Variants in AEBP2 observed in about 807,000 individuals in gnomAD.
AEBP2 encodes the protein AE binding protein 2, also known as zinc finger protein AEBP2.
AEBP2 carries 10 observed loss-of-function variants against 50.8 expected under a neutral mutation model. The ratio of observed to expected loss-of-function variants is 0.20; its 90% CI spans 0.12 to 0.33. The LOEUF is 0.33. AEBP2 is among the 10% of genes least tolerant of loss of function. The pLI is 1.00. For synonymous variants in AEBP2, 296 were observed against 261.3 expected, an observed-to-expected ratio of 1.13 and a Z score of -1.28; for missense variants, 570 against 688.0, an observed-to-expected ratio of 0.83 and a Z score of 1.92.
At chr12:19,451,984 G>A (rs1948172948) in intron 1 of AEBP2, among the ~76,000 whole-genome samples, 1 of 152,074 alleles carries the variant, frequency 6.6e-6, no homozygotes, top group African/African-American at 2.4e-5. Flanking sequence ...TCTGCCTCTC[G>A]GGTTTAAGCG....
At position 19,439,888 on chromosome 12, in the gene AEBP2, C is replaced by A. The variant is rs1229807001; in HGVS notation, c.189C>A (p.Ser63Arg). The A allele has an allele frequency of 6.8e-7, 1 of 1,478,166 alleles. No homozygotes were observed. The highest frequency in any genetic ancestry group is 1.3e-5 in the South Asian group (1 of 77,242). 91.6% of individuals were successfully genotyped at this position (1,478,166 alleles called of 1,614,324 possible). Residue 63 changes from serine (S) to arginine (R), a missense_variant, in exon 1 of 8, where the codon AGC (serine) becomes AGA (arginine). Ser to Arg is a moderately radical substitution (Grantham distance 110). Around this residue, in one of 2 missense-constraint regions of AEBP2, gnomAD observed 386 missense variants for 336.8 expected, o/e 1.15. Transcript: ENST00000266508. The stretch of plus-strand genomic sequence containing the variant: ...CGGCGCTGCTGCTGAACGGCGGCAG[C>A]GGTGGGGGCGGCGGAGGCGGCGGCG... Reference protein sequence around the residue: ...AVAALLLNGGSGGGGGGGGGG... With the variant: ...AVAALLLNGGRGGGGGGGGGG...
intron 1 of AEBP2, chr12:19,413,417 A>G (rs2095740508): frequency 8.1e-6 from 9 of 1,116,988 alleles, no homozygotes; most frequent in Non-Finnish European, 1.2e-5. Context: ...GTGAAATTCA[A>G]CAGAAGAAAA....
intron 3 of AEBP2, among the ~76,000 whole-genome samples, chr12:19,474,210 T>C (rs1948615266): frequency 6.6e-6 from 1 of 152,206 alleles, no homozygotes; most frequent in Non-Finnish European, 1.5e-5. Flanking sequence ...TTTCCATTTA[T>C]CTTTATGAAA....
intron 3 of AEBP2, among the ~76,000 whole-genome samples, chr12:19,477,753 A>T (rs571052109): frequency 5.9e-5 from 9 of 151,984 alleles, no homozygotes; most frequent in Non-Finnish European, 8.8e-5. Context: ...TTTTTTTGTT[A>T]TGTCCTTTCC....
Position 19,515,645 on chromosome 12 carries a change from A to T in AEBP2, c.1481+861A>T, listed in dbSNP as rs575087777. 5.9e-5 allele frequency among the ~76,000 whole-genome samples: 9 copies of T among 152,316 alleles called. No individual in the cohort carries two copies. In the South Asian group the frequency reaches 1.9e-3, roughly 32 times the overall value. On this transcript the variant is annotated intron_variant, in intron 7 of 7. Transcript: ENST00000266508. ...AGCTATCATAAAGATAGCAAATTTT[A>T]TATTAATTAAGTGCTTTGAAGGGTA...
intron 1 of AEBP2, chr12:19,457,129 T>A: frequency 6.3e-7 from 1 of 1,598,980 alleles, no homozygotes; most frequent in Non-Finnish European, 8.5e-7. Context: ...CTTAACAATT[T>A]CCTCATATCT....
chr12:19,499,937 CAT>C (rs1487763264), intron 4 of AEBP2, among the ~76,000 whole-genome samples, 158 bp from the exon 5 acceptor site: 10 of 152,216 alleles, frequency 6.6e-5, no homozygotes, highest in African/African-American at 2.4e-4. Flanking sequence ...AATGCTTTTG[CAT>C]ATTAGTCTTC....
At chr12:19,442,787 ATCT>A (rs371226748) in intron 1 of AEBP2, among the ~76,000 whole-genome samples, 54 of 152,288 alleles carry the variant, frequency 3.5e-4, no homozygotes, top group East Asian at 2.3e-3. Context: ...ATTCTGAAAC[ATCT>A]TCTTGTTGCC....
intron 1 of AEBP2, chr12:19,440,831 C>G: frequency 1.4e-6 from 2 of 1,399,302 alleles, no homozygotes; most frequent in Non-Finnish European, 1.9e-6. Context: ...CTTCCTTGTC[C>G]ATGGGAGAGA....
chr12:19,512,841 G>A (rs571769894), intron 6 of AEBP2, among the ~76,000 whole-genome samples: 22 of 152,064 alleles, frequency 1.4e-4, no homozygotes, highest in African/African-American at 5.1e-4. Context: ...CCAGCTGCTC[G>A]GGAGGCTGAG....
At chr12:19,501,852 C>G (rs77055760) in intron 5 of AEBP2, among the ~76,000 whole-genome samples, 5 of 125,852 alleles carry the variant, frequency 4.0e-5, no homozygotes, top group Admixed American at 2.0e-4. Flanking sequence ...GCAGTCATCC[C>G]TCTGTATTCA....
chr12:19,406,607 G>T (rs1367829992), intron 1 of AEBP2, among the ~76,000 whole-genome samples: 1 of 151,242 alleles, frequency 6.6e-6, no homozygotes, highest in Non-Finnish European at 1.5e-5. Flanking sequence ...CTTGAACCCA[G>T]GAGGCGGAGG....
intron 1 of AEBP2, chr12:19,413,366 TC>T: frequency 9.5e-7 from 1 of 1,057,852 alleles, no homozygotes; most frequent in Non-Finnish European, 1.5e-6. Context: ...TTAATAGAAA[TC>T]CTTTAAAAAG....
At chr12:19,465,430 T>C (rs1396636877) in intron 2 of AEBP2, among the ~76,000 whole-genome samples, 1 of 151,966 alleles carries the variant, frequency 6.6e-6, no homozygotes, top group African/African-American at 2.4e-5. Flanking sequence ...AGTAATGTTA[T>C]TTTGATCAAA....
At chr12:19,467,246 C>T (rs1948493106) in intron 2 of AEBP2, among the ~76,000 whole-genome samples, 1 of 151,296 alleles carries the variant, frequency 6.6e-6, no homozygotes, top group South Asian at 2.1e-4. Context: ...AGAGTGCTTT[C>T]TGCAATTTCA....
chr12:19,513,885 C>T (rs982784659), intron 6 of AEBP2, among the ~76,000 whole-genome samples: 12 of 139,138 alleles, frequency 8.6e-5, no homozygotes, highest in African/African-American at 1.4e-4. Context: ...GTGTTATGGC[C>T]GCATGCATTT....
At chr12:19,468,195 A>C (rs1592743246) in intron 2 of AEBP2, among the ~76,000 whole-genome samples, 1 of 147,332 alleles carries the variant, frequency 6.8e-6, no homozygotes, top group Non-Finnish European at 1.5e-5. Flanking sequence ...ATGTTGTCCA[A>C]GCTAGTCTTA....
At chr12:19,472,113 G>C (rs1249584266) in intron 2 of AEBP2, among the ~76,000 whole-genome samples, 2 of 152,072 alleles carry the variant, frequency 1.3e-5, no homozygotes, top group East Asian at 3.9e-4. Context: ...TATTGTTTTT[G>C]AGTAAAAATT....
In AEBP2 at chr12:19,521,254, G is replaced by A. The variant is rs965953678; in HGVS notation, c.*3137G>A. On this transcript the variant is annotated 3_prime_UTR_variant, in exon 8 of 8. Coordinates refer to ENST00000266508, the MANE Select transcript of AEBP2 (RefSeq NM_153207.5). ...ATGACAATGTTGATCTTGGTAATAA[G>A]CCAGTACATTAAATTTTAGTGAAAG... The A allele has an allele frequency of 1.3e-5, 2 of 152,120 alleles. No individual in the cohort carries two copies. The highest frequency in any genetic ancestry group is 4.8e-5 in the African/African-American group (2 of 41,414). The allele number at this position is 152,120 out of a possible 1,614,324, so 9.4% of individuals were successfully genotyped here.
Sources: gnomAD v4.1 joint callset for allele counts (sites outside exome capture counted in the v4.1 genomes callset) on GRCh38, gnomAD v4.1.1 for gene constraint, gnomAD v4.1.1 regional missense constraint, MANE v1.5 for transcripts, NCBI Gene and HGNC (gene_info 2026-07-23, HGNC 2026-07-21) for gene names.